RGS14: variants seen among roughly 807,000 people sequenced by gnomAD.
RGS14 encodes the protein regulator of G protein signaling 14, also known as regulator of G-protein signaling 14.
A neutral mutation model predicts 63.8 loss-of-function variants in RGS14; 33 were observed. That is an observed-to-expected ratio of 0.52 (90% confidence interval 0.39 to 0.69). RGS14 has a LOEUF of 0.69. Among genes scored for constraint, RGS14 ranks in the 30% least tolerant of loss-of-function variants. The pLI is 0.00. For synonymous variants in RGS14, 296 were observed against 320.9 expected, an observed-to-expected ratio of 0.92 and a Z score of 0.83; for missense variants, 739 against 742.9, an observed-to-expected ratio of 0.99 and a Z score of 0.06.
Position 177,372,278 on chromosome 5 carries a change from G to A in RGS14, c.*203G>A. 1 of 590,956 alleles carries A rather than the reference G, an allele frequency of 1.7e-6. No individual in the cohort carries two copies. The highest frequency in any genetic ancestry group is 3.1e-5 in the Admixed American group (1 of 32,388). 36.6% of individuals were successfully genotyped at this position (590,956 alleles called of 1,614,324 possible). A position where few individuals can be genotyped will look rare whatever the true frequency, so the allele number is the denominator to read the frequency against. On this transcript the variant is annotated 3_prime_UTR_variant, in exon 15 of 15. Transcript: ENST00000408923. ...CTGCCACCGCCTTGTCCCTCAACAA[G>A]CTCACCCCCAATCCCTTGCAGCCAG...
At chr5:177,366,572 C>G in intron 3 of RGS14, 136 bp from the exon 4 acceptor site, 1 of 887,634 alleles carries the variant, frequency 1.1e-6, no homozygotes. Context: ...CGGTCTGGCT[C>G]CGTCTGTCTG....
chr5:177,368,737 G>A lies in RGS14; in HGVS notation c.870G>A (p.Gly290=). 6.2e-7 allele frequency: 1 copy of A among 1,614,228 alleles called. No homozygotes were observed. The highest frequency in any genetic ancestry group is 8.5e-7 in the Non-Finnish European group (1 of 1,180,042). ...SKSESHRKSL[G]STEGESESRP... ...ATCAGAGCCACCGGAAGAGCCTTGG[G>A]AGCACGGAGGGTGAAAGTGAAAGCC... is the stretch of plus-strand genomic sequence containing the variant. The change falls in exon 9 of 15, where the codon GGG becomes GGA. Residue 290 remains glycine (G), a synonymous_variant. Transcript: ENST00000408923.
In RGS14 at chr5:177,372,168, T is replaced by C. The variant is rs1305450070; in HGVS notation, c.*93T>C. On this transcript the variant is annotated 3_prime_UTR_variant, in exon 15 of 15. Coordinates refer to ENST00000408923, the MANE Select transcript of RGS14 (RefSeq NM_006480.5). ...GCATGCCCTGTCTGTGCCATGAGTG[T>C]CCCTGGCCCCTTCCTGCCATGGGCA... 1.6e-6 allele frequency: 2 copies of C among 1,272,844 alleles called. No individual in the cohort carries two copies. The highest frequency in any genetic ancestry group is 2.2e-6 in the Non-Finnish European group (2 of 908,596). The allele number at this position is 1,272,844 out of a possible 1,614,324, so 78.8% of individuals were successfully genotyped here. A position where few individuals can be genotyped will look rare whatever the true frequency, so the allele number is the denominator to read the frequency against.
Position 177,359,831 on chromosome 5 carries a change from C to T in RGS14, c.45+1762C>T, listed in dbSNP as rs537107973. ...TGAGGTGCGGATGTGGATGGAGGGG[C>T]GCCTGGGGGACAGGTATGTCTGGTC... On this transcript the variant is annotated intron_variant, in intron 1 of 14. Transcript: ENST00000408923. The surrounding 1 kb of genome is among the most constrained non-coding windows in gnomAD (Gnocchi z 4.4). Among the ~76,000 whole-genome samples the T allele has an allele frequency of 8.9e-4, 135 of 152,300 alleles. No homozygotes were observed. The highest frequency in any genetic ancestry group is 1.4e-3 in the Non-Finnish European group (96 of 68,026).
At position 177,371,333 on chromosome 5, in the gene RGS14, G is replaced by A; in HGVS notation, c.1337-17G>A. 1 of 1,614,106 alleles carries A rather than the reference G, an allele frequency of 6.2e-7. No homozygotes were observed. The highest frequency in any genetic ancestry group is 8.5e-7 in the Non-Finnish European group (1 of 1,179,994). ...CAGGTGGGAGGCAAACACTAACTGT[G>A]GCCCTCTCTGCTGCAGGTGTGAAGA... On this transcript the variant is annotated splice_polypyrimidine_tract_variant and intron_variant, in intron 12 of 14. Coordinates refer to ENST00000408923, the MANE Select transcript of RGS14 (RefSeq NM_006480.5). The surrounding 1 kb of genome is among the most constrained non-coding windows in gnomAD (Gnocchi z 6.1).
chr5:177,370,647 A>T lies in RGS14; in HGVS notation c.1110A>T (p.Glu370Asp), dbSNP rs1762217484. The stretch of plus-strand genomic sequence containing the variant: ...TGGCGGATCAGGAAGTGCGGCTGGA[A>T]AACAGGATCACCTTCGAGTGAGTGT... Reference protein sequence around the residue: ...TVLADQEVRLENRITFELELT... With the variant: ...TVLADQEVRLDNRITFELELT... The change falls in exon 10 of 15, where the codon GAA becomes GAT. Residue 370 changes from glutamate (E) to aspartate (D), a missense_variant. Glu to Asp is a conservative substitution (Grantham distance 45). Transcript: ENST00000408923. 6.8e-6 allele frequency: 11 copies of T among 1,614,084 alleles called. No individual in the cohort carries two copies. Among genetic ancestry groups the T allele is most frequent in the Non-Finnish European group, 8.5e-6 (10 of 1,179,970 alleles).
Position 177,366,262 on chromosome 5 carries a change from C to T in RGS14, c.153C>T (p.Ser51=). The T allele has an allele frequency of 3.8e-6, 6 of 1,579,952 alleles. No homozygotes were observed. The highest frequency in any genetic ancestry group is 5.2e-6 in the Non-Finnish European group (6 of 1,163,946). ...TCCACAGCCTCCCCAGTGGTCCCAG[C>T]AGCCCCTTCCCAACCGAGGAGCAGC... The part of the protein sequence containing the change: ...LSIHSLPSGP[S]SPFPTEEQPV... The change falls in exon 3 of 15, where the codon AGC becomes AGT. Residue 51 remains serine (S), a synonymous_variant. Transcript: ENST00000408923.
chr5:177,371,062 G>C lies in RGS14; in HGVS notation c.1254+31G>C, dbSNP rs1382426002. The C allele has an allele frequency of 1.0e-5, 11 of 1,105,050 alleles. No individual in the cohort carries two copies. The highest frequency in any genetic ancestry group is 8.9e-5 in the South Asian group (3 of 33,896). The allele number at this position is 1,105,050 out of a possible 1,614,324, so 68.5% of individuals were successfully genotyped here. A position where few individuals can be genotyped will look rare whatever the true frequency, so the allele number is the denominator to read the frequency against. The stretch of plus-strand genomic sequence containing the variant: ...CTTCCGGGCCGCGGGGCGGGGCGGG[G>C]CGGGGCCGGGCCGGGGCCGGGGCCG... On this transcript the variant is annotated intron_variant, in intron 11 of 14. Coordinates refer to ENST00000408923, the MANE Select transcript of RGS14 (RefSeq NM_006480.5). The surrounding 1 kb of genome is among the most constrained non-coding windows in gnomAD (Gnocchi z 6.1).
intron 7 of RGS14, 64 bp downstream of exon 7, chr5:177,367,889 G>T: frequency 2.0e-6 from 3 of 1,478,252 alleles, no homozygotes; most frequent in Non-Finnish European, 1.8e-6. Context: ...TTTGGGGAGT[G>T]CCCCCTTCCT....
At position 177,371,194 on chromosome 5, in the gene RGS14, G is replaced by C; in HGVS notation, c.1284G>C (p.Gly428=). 1 of 1,613,676 alleles carries C rather than the reference G, an allele frequency of 6.2e-7. No homozygotes were observed. Among genetic ancestry groups the C allele is most frequent in the Non-Finnish European group, 8.5e-7 (1 of 1,179,890 alleles). The change falls in exon 12 of 15, where the codon GGG becomes GGC. Residue 428 remains glycine (G), a synonymous_variant. Coordinates refer to ENST00000408923, the MANE Select transcript of RGS14 (RefSeq NM_006480.5). This position sits in a 1 kb window ranked among gnomAD's most constrained non-coding sequence, Gnocchi z 6.1. ...RPGEKQPLDL[G]KLVSSVAAQR... Reference sequence around the variant, plus strand: ...GCGAGAAACAGCCTCTGGATCTGGGGAAGCTAGTGAGCTCGGTGGCGGCCC... The same window carrying C: ...GCGAGAAACAGCCTCTGGATCTGGGCAAGCTAGTGAGCTCGGTGGCGGCCC...
chr5:177,371,684 G>T lies in RGS14; in HGVS notation c.1498+95G>T, dbSNP rs1220559982. ...CAGAGAGCCTTGAGCTAAGGCAGGG[G>T]GCTGGGTGCCACTGGGCGTGGAACA... is the stretch of plus-strand genomic sequence containing the variant. On this transcript the variant is annotated intron_variant, in intron 14 of 14. Coordinates refer to ENST00000408923, the MANE Select transcript of RGS14 (RefSeq NM_006480.5). This position sits in a 1 kb window ranked among gnomAD's most constrained non-coding sequence, Gnocchi z 6.1. 8 of 1,350,642 alleles carry T rather than the reference G, an allele frequency of 5.9e-6. No individual in the cohort carries two copies. The highest frequency in any genetic ancestry group is 8.4e-6 in the Non-Finnish European group (8 of 955,548). 83.7% of individuals were successfully genotyped at this position (1,350,642 alleles called of 1,614,324 possible). A position where few individuals can be genotyped will look rare whatever the true frequency, so the allele number is the denominator to read the frequency against.
At position 177,366,193 on chromosome 5, in the gene RGS14, G is replaced by A. The variant is rs766568104; in HGVS notation, c.84G>A (p.Thr28=). ...AVSDGELSST[T]GPQGQGEGRG... Reference sequence around the variant, plus strand: ...CCCCTGCAGAGCTGAGCAGCACGACGGGGCCCCAGGGCCAGGGCGAGGGCC... The same window carrying A: ...CCCCTGCAGAGCTGAGCAGCACGACAGGGCCCCAGGGCCAGGGCGAGGGCC... Residue 28 remains threonine, a synonymous_variant, in exon 3 of 15, where the codon ACG becomes ACA. Transcript: ENST00000408923. 23 of 1,608,524 alleles carry A rather than the reference G, an allele frequency of 1.4e-5. No individual in the cohort carries two copies. In the South Asian group the frequency reaches 1.4e-4, roughly 10 times the overall value.
intron 9 of RGS14, 84 bp downstream of exon 9, chr5:177,369,004 C>G: frequency 1.4e-6 from 2 of 1,393,598 alleles, no homozygotes; most frequent in African/African-American, 1.4e-5. Context: ...AGTCATGGCT[C>G]CAACCCCAAT....
chr5:177,359,943 C>T lies in RGS14; in HGVS notation c.45+1874C>T, dbSNP rs1761924454. 6.6e-6 allele frequency among the ~76,000 whole-genome samples: 1 copy of T among 152,104 alleles called. No homozygotes were observed. Among genetic ancestry groups the T allele is most frequent in the African/African-American group, 2.4e-5 (1 of 41,412 alleles). ...GAGAGTAGAGCGTCAGCATCTGAAC[C>T]CCCAGAACTGCCTGGCCCCAGTCCT... On this transcript the variant is annotated intron_variant, in intron 1 of 14. Coordinates refer to ENST00000408923, the MANE Select transcript of RGS14 (RefSeq NM_006480.5). This position sits in a 1 kb window ranked among gnomAD's most constrained non-coding sequence, Gnocchi z 4.4.
chr5:177,367,731 C>G lies in RGS14; in HGVS notation c.645C>G (p.Pro215=). 2 of 1,613,082 alleles carry G rather than the reference C, an allele frequency of 1.2e-6. No homozygotes were observed. The highest frequency in any genetic ancestry group is 8.5e-7 in the Non-Finnish European group (1 of 1,179,732). ...ACCCACAGAAGCCGAAGCTGAAGCC[C>G]GGGAAGTCGCTGCCGCTGGGTGTGG... is the stretch of plus-strand genomic sequence containing the variant. ...DATRKKPKLK[P]GKSLPLGVEE... is the part of the protein sequence containing the mutation. Residue 215 remains proline, a synonymous_variant, in exon 7 of 15, where the codon CCC becomes CCG. Transcript: ENST00000408923.
At position 177,366,278 on chromosome 5, in the gene RGS14, G is replaced by A. The variant is rs552269776; in HGVS notation, c.169G>A (p.Glu57Lys). Reference protein sequence around the residue: ...PSGPSSPFPTEEQPVASWALS... With the variant: ...PSGPSSPFPTKEQPVASWALS... ...TGGTCCCAGCAGCCCCTTCCCAACCGAGGAGCAGCCTGTGGCCAGCTGGGC... is the reference window on the plus strand; with the variant it reads ...TGGTCCCAGCAGCCCCTTCCCAACCAAGGAGCAGCCTGTGGCCAGCTGGGC... The change falls in exon 3 of 15, where the codon GAG (glutamate) becomes AAG (lysine). Residue 57 changes from glutamate to lysine, a missense_variant. Transcript: ENST00000408923. 2.5e-5 allele frequency: 39 copies of A among 1,568,782 alleles called. No homozygotes were observed. The highest frequency in any genetic ancestry group is 2.7e-5 in the African/African-American group (2 of 73,974).
intron 7 of RGS14, 82 bp downstream of exon 7, chr5:177,367,907 G>A: frequency 1.4e-6 from 2 of 1,459,116 alleles, no homozygotes; most frequent in Non-Finnish European, 1.8e-6. Flanking sequence ...CCTCCTACGT[G>A]GCCCACAGTC....
At chr5:177,368,639 G>A (rs1383500696) in intron 8 of RGS14, 78 bp from the exon 9 acceptor site, 5 of 1,461,198 alleles carry the variant, frequency 3.4e-6, no homozygotes, top group African/African-American at 1.4e-5. Context: ...GCCCCAGCAA[G>A]CTTACCTATC....
At chr5:177,366,573 C>T (rs1187196608) in intron 3 of RGS14, 135 bp from the exon 4 acceptor site, 30 of 888,650 alleles carry the variant, frequency 3.4e-5, no homozygotes, top group East Asian at 2.4e-4. Flanking sequence ...GGTCTGGCTC[C>T]GTCTGTCTGT....
Sources: gnomAD v4.1 joint callset for allele counts (sites outside exome capture counted in the v4.1 genomes callset) on GRCh38, gnomAD v4.1.1 for gene constraint, Gnocchi (gnomAD v3.1) non-coding constraint, MANE v1.5 for transcripts, NCBI Gene and HGNC (gene_info 2026-07-23, HGNC 2026-07-21) for gene names.